PCDHGA3: variants seen among roughly 807,000 people sequenced by gnomAD.
The protein encoded by PCDHGA3 is protocadherin gamma subfamily A, 3.
In PCDHGA3, 40 loss-of-function variants were observed where a neutral mutation model predicts 58.5. That is an observed-to-expected ratio of 0.68 (90% CI 0.53 to 0.89). The LOEUF (loss-of-function observed/expected upper bound fraction) is 0.89. Among genes scored for constraint, PCDHGA3 ranks in the 40% least tolerant of loss-of-function variants. The probability of loss-of-function intolerance (pLI) is 0.00; values close to 1 mark genes in which losing one functional copy is unlikely to be tolerated. For synonymous variants in PCDHGA3, 530 were observed against 525.7 expected, an observed-to-expected ratio of 1.01 and a Z score of -0.11; for missense variants, 1,223 against 1,195.9, an observed-to-expected ratio of 1.02 and a Z score of -0.33.
Position 141,493,689 on chromosome 5 carries a change from C to A in PCDHGA3, c.2425-1118C>A, listed in dbSNP as rs2099749557. The stretch of plus-strand genomic sequence containing the variant: ...GGCAGCCCCAGAATGGTGCTGGTGA[C>A]TCCCGATACACCTGGAATGCTAGGT... On this transcript the variant is annotated intron_variant, in intron 1 of 3. Transcript: ENST00000253812. The surrounding 1 kb of genome is among the most constrained non-coding windows in gnomAD (Gnocchi z 4.3). Among the ~76,000 whole-genome samples the A allele has an allele frequency of 6.6e-6, 1 of 152,218 alleles. No homozygotes were observed. The highest frequency in any genetic ancestry group is 2.4e-5 in the African/African-American group (1 of 41,450).
intron 1 of PCDHGA3, chr5:141,385,172 C>A (rs1013319688): frequency 1.2e-6 from 2 of 1,614,210 alleles, no homozygotes; most frequent in Non-Finnish European, 8.5e-7. Context: ...CATGAGGTCT[C>A]CCTCACCGCG....
At chr5:141,401,936 G>A (rs950687803) in intron 1 of PCDHGA3, among the ~76,000 whole-genome samples, 1 of 152,100 alleles carries the variant, frequency 6.6e-6, no homozygotes, top group African/African-American at 2.4e-5. Flanking sequence ...TTAGAATAAT[G>A]TTTAAGACCA....
chr5:141,490,686 C>T lies in PCDHGA3; in HGVS notation c.2425-4121C>T. The T allele has an allele frequency of 3.7e-6, 6 of 1,614,196 alleles. No homozygotes were observed. The highest frequency in any genetic ancestry group is 5.1e-6 in the Non-Finnish European group (6 of 1,180,014). ...GCACTGTGGCTGCCTCAGATCCAGA[C>T]ACTGGGGATAATGCCCGCCTCACCT... On this transcript the variant is annotated intron_variant, in intron 1 of 3. Coordinates refer to ENST00000253812, the MANE Select transcript of PCDHGA3 (RefSeq NM_018916.4). This position sits in a 1 kb window ranked among gnomAD's most constrained non-coding sequence, Gnocchi z 5.4.
chr5:141,352,042 A>G, intron 1 of PCDHGA3: 1 of 1,608,126 alleles, frequency 6.2e-7, no homozygotes, highest in Non-Finnish European at 8.5e-7. Context: ...ACGCAGACTC[A>G]GGACACAACG....
At chr5:141,494,772 G>C in intron 1 of PCDHGA3, 35 bp from the exon 2 acceptor site, 1 of 1,613,982 alleles carries the variant, frequency 6.2e-7, no homozygotes, top group Non-Finnish European at 8.5e-7. Context: ...ACTTCTCACG[G>C]GTACTCAGCC....
intron 1 of PCDHGA3, chr5:141,371,953 T>G: frequency 6.2e-7 from 1 of 1,613,260 alleles, no homozygotes; most frequent in South Asian, 1.1e-5. Context: ...CAGCGAGCCT[T>G]CGACCACGAG....
chr5:141,399,713 A>C (rs1353862646), intron 1 of PCDHGA3: 1 of 1,613,326 alleles, frequency 6.2e-7, no homozygotes, highest in Non-Finnish European at 8.5e-7. Context: ...CTCACACTAC[A>C]GGCCCGCGAC....
intron 1 of PCDHGA3, chr5:141,422,849 C>A: frequency 1.2e-6 from 2 of 1,614,238 alleles, no homozygotes; most frequent in Non-Finnish European, 8.5e-7. Context: ...AGCGGGGACC[C>A]GCCCCTCAGC....
At chr5:141,375,121 A>G (rs1483677104) in intron 1 of PCDHGA3, 1 of 1,613,942 alleles carries the variant, frequency 6.2e-7, no homozygotes, top group Non-Finnish European at 8.5e-7. Context: ...ATGTACCAGA[A>G]GTGGTTGTTA....
chr5:141,487,848 G>C lies in PCDHGA3; in HGVS notation c.2425-6959G>C. ...TCATGCCTATATCTGAGTAAGAAAT[G>C]AAAGTAATTGGTGATCAAGAGCCAG... is the stretch of plus-strand genomic sequence containing the variant. On this transcript the variant is annotated intron_variant, in intron 1 of 3. Coordinates refer to ENST00000253812, the MANE Select transcript of PCDHGA3 (RefSeq NM_018916.4). The surrounding 1 kb of genome is among the most constrained non-coding windows in gnomAD (Gnocchi z 5.0). 1 of 1,022,244 alleles carries C rather than the reference G, an allele frequency of 9.8e-7. No homozygotes were observed. The highest frequency in any genetic ancestry group is 1.4e-6 in the Non-Finnish European group (1 of 711,992). The allele number at this position is 1,022,244 out of a possible 1,614,324, so 63.3% of individuals were successfully genotyped here. A position where few individuals can be genotyped will look rare whatever the true frequency, so the allele number is the denominator to read the frequency against.
chr5:141,404,159 A>C, intron 1 of PCDHGA3: 1 of 1,613,114 alleles, frequency 6.2e-7, no homozygotes, highest in South Asian at 1.1e-5. Flanking sequence ...AGATTATTAC[A>C]GATTGTTGAC....
At chr5:141,413,748 T>G (rs1264580781) in intron 1 of PCDHGA3, 1 of 1,613,288 alleles carries the variant, frequency 6.2e-7, no homozygotes, top group Admixed American at 1.7e-5. Flanking sequence ...GCCGTGCCAA[T>G]GGCGTCAAGT....
At chr5:141,496,617 A>G (rs2099769939) in intron 2 of PCDHGA3, among the ~76,000 whole-genome samples, 2 of 152,236 alleles carry the variant, frequency 1.3e-5, no homozygotes, top group Admixed American at 1.3e-4. Flanking sequence ...AAAAAGCAGC[A>G]GATCAAAAGG....
At chr5:141,421,449 G>A (rs2096574013) in intron 1 of PCDHGA3, 2 of 1,614,010 alleles carry the variant, frequency 1.2e-6, no homozygotes, top group African/African-American at 1.3e-5. Flanking sequence ...GGAAGACACA[G>A]CTTTTCGCTG....
chr5:141,432,586 C>T lies in PCDHGA3; in HGVS notation c.2425-62221C>T. The T allele has an allele frequency of 1.9e-6, 3 of 1,613,852 alleles. No homozygotes were observed. Among genetic ancestry groups the T allele is most frequent in the Non-Finnish European group, 2.5e-6 (3 of 1,179,972 alleles). On this transcript the variant is annotated intron_variant, in intron 1 of 3. Transcript: ENST00000253812. The surrounding 1 kb of genome is among the most constrained non-coding windows in gnomAD (Gnocchi z 6.0). ...ACGCCTGGCTGTCCTACCGTCTGCT[C>T]AAGGCCAGCGAGCCGGGACTCTTCT...
intron 1 of PCDHGA3, among the ~76,000 whole-genome samples, chr5:141,370,065 A>G (rs960768866): frequency 6.6e-6 from 1 of 152,254 alleles, no homozygotes; most frequent in Non-Finnish European, 1.5e-5. Context: ...TCCTTTTAAA[A>G]TGGGAAGAAA....
intron 1 of PCDHGA3, among the ~76,000 whole-genome samples, chr5:141,439,371 TA>T (rs1008614540): frequency 7.2e-5 from 11 of 152,034 alleles, no homozygotes; most frequent in Non-Finnish European, 1.0e-4. Flanking sequence ...CAAGAAGAAA[TA>T]AAAATAAGTC....
intron 3 of PCDHGA3, among the ~76,000 whole-genome samples, chr5:141,510,375 G>A (rs980966602): frequency 3.4e-5 from 5 of 148,132 alleles, no homozygotes; most frequent in East Asian, 2.0e-4. Context: ...ATCTCTACTC[G>A]TGCCAGGCCT....
intron 1 of PCDHGA3, among the ~76,000 whole-genome samples, chr5:141,466,436 G>A (rs181613158): frequency 1.3e-5 from 2 of 152,270 alleles, no homozygotes; most frequent in East Asian, 1.9e-4. Context: ...AAGCTGAACC[G>A]AGATGTCTAT....
Sources: gnomAD v4.1 joint callset for allele counts (sites outside exome capture counted in the v4.1 genomes callset) on GRCh38, gnomAD v4.1.1 for gene constraint, Gnocchi (gnomAD v3.1) non-coding constraint, MANE v1.5 for transcripts, NCBI Gene and HGNC (gene_info 2026-07-23, HGNC 2026-07-21) for gene names.